PCSK6: variants seen among roughly 807,000 people sequenced by gnomAD.
The protein encoded by PCSK6 is proprotein convertase subtilisin/kexin type 6.
A neutral mutation model predicts 123.3 loss-of-function variants in PCSK6; 85 were observed. The observed-to-expected ratio is 0.69, with a 90% CI of 0.58 to 0.83. PCSK6 has a LOEUF of 0.83. Among genes scored for constraint, PCSK6 ranks in the 40% least tolerant of loss-of-function variants. The probability of loss-of-function intolerance (pLI) is 0.00; values close to 1 mark genes in which losing one functional copy is unlikely to be tolerated. For synonymous variants in PCSK6, 508 were observed against 516.0 expected, an observed-to-expected ratio of 0.98 and a Z score of 0.21; for missense variants, 1,191 against 1,282.3, an observed-to-expected ratio of 0.93 and a Z score of 1.09.
At chr15:101,313,005 C>T (rs1288882428) in intron 20 of PCSK6, 2 of 1,170,222 alleles carry the variant, frequency 1.7e-6, no homozygotes, top group Admixed American at 7.8e-5. Context: ...AGTGTGTCTC[C>T]AAAAAAATTT....
intron 1 of PCSK6, among the ~76,000 whole-genome samples, chr15:101,489,012 G>C (rs1308078868): frequency 6.7e-6 from 1 of 150,204 alleles, no homozygotes; most frequent in Non-Finnish European, 1.5e-5. Flanking sequence ...CGACGCCTGA[G>C]GCAGCCCAGA....
intron 5 of PCSK6, 130 bp from the exon 6 acceptor site, chr15:101,428,110 C>T: frequency 1.3e-6 from 1 of 745,880 alleles, no homozygotes; most frequent in Non-Finnish European, 2.2e-6. Context: ...AGCCCATTTC[C>T]TGCATCCCCT....
At chr15:101,318,195 C>A in intron 19 of PCSK6, 124 bp downstream of exon 19, 1 of 689,736 alleles carries the variant, frequency 1.4e-6, no homozygotes, top group South Asian at 1.8e-5. Context: ...CTTGTTTTGC[C>A]CTTGCATTTT....
chr15:101,370,595 A>G (rs2073590), intron 11 of PCSK6, 72 bp from the exon 12 acceptor site: 459,568 of 1,337,546 alleles, frequency 0.34, 80,844 homozygotes, highest in East Asian at 0.45. Flanking sequence ...CAGGAGCTCC[A>G]GCGCCCGTCC....
rs3784499 is a variant in PCSK6, at chr15:101,369,690, T to G, written c.1721+645A>C. 9.8e-5 allele frequency among the ~76,000 whole-genome samples: 15 copies of G among 152,380 alleles called. No homozygotes were observed. In the East Asian group the frequency reaches 2.9e-3, roughly 29 times the overall value. ...TCTAATTACCTGTAAGTCATATATT[T>G]GCATCAATGTATTTCCCCTTGTTTC... On this transcript the variant is annotated intron_variant, in intron 12 of 21. Transcript: ENST00000611716.
At chr15:101,389,894 C>T (rs568177892) in intron 8 of PCSK6, among the ~76,000 whole-genome samples, 103 of 152,140 alleles carry the variant, frequency 6.8e-4, no homozygotes, top group Non-Finnish European at 1.4e-3. Context: ...GAAACCAAGA[C>T]GCACCCCACA....
intron 1 of PCSK6, among the ~76,000 whole-genome samples, chr15:101,481,762 G>C (rs898887598): frequency 6.6e-6 from 1 of 152,248 alleles, no homozygotes; most frequent in South Asian, 2.1e-4. Context: ...ACACGAGGAG[G>C]AGGTTTCAGC....
At chr15:101,314,437 A>G (rs1032853056) in intron 19 of PCSK6, among the ~76,000 whole-genome samples, 2 of 152,222 alleles carry the variant, frequency 1.3e-5, no homozygotes, top group Admixed American at 6.5e-5. Flanking sequence ...CAGGGGCTCT[A>G]TGATAATCAC....
At position 101,326,753 on chromosome 15, in the gene PCSK6, G is replaced by A. The variant is rs555282940; in HGVS notation, c.2078-274C>T. Among the ~76,000 whole-genome samples, 383 of 152,332 alleles carry A rather than the reference G, an allele frequency of 2.5e-3. 2 individuals carry two copies. Among genetic ancestry groups the A allele is most frequent in the Non-Finnish European group, 4.1e-3 (278 of 68,024 alleles). On this transcript the variant is annotated intron_variant, in intron 15 of 21. Coordinates refer to ENST00000611716, the MANE Select transcript of PCSK6 (RefSeq NM_002570.5). The stretch of plus-strand genomic sequence containing the variant: ...AACATCCAGGGTGGGTACGCCACCC[G>A]GAGCAGGGAGGAGATGGGACTTGTG...
At chr15:101,429,213 G>A (rs1252992351) in intron 5 of PCSK6, among the ~76,000 whole-genome samples, 1 of 150,886 alleles carries the variant, frequency 6.6e-6, no homozygotes, top group Non-Finnish European at 1.5e-5. Context: ...AAGAGCTCAG[G>A]GTATGGGGCA....
chr15:101,486,899 C>T (rs35406709), intron 1 of PCSK6, among the ~76,000 whole-genome samples: 23,196 of 152,216 alleles, frequency 0.15, 2,044 homozygotes, highest in Middle Eastern at 0.23. Context: ...GAGAATACGG[C>T]AGAAGCAAAT....
chr15:101,460,785 G>C (rs148867848), intron 1 of PCSK6, among the ~76,000 whole-genome samples: 40 of 152,154 alleles, frequency 2.6e-4, no homozygotes, highest in African/African-American at 9.6e-4. Flanking sequence ...ACAAACACAT[G>C]TTTATATAAC....
intron 18 of PCSK6, among the ~76,000 whole-genome samples, chr15:101,320,087 ATTAT>A (rs2040082625): frequency 6.6e-6 from 1 of 151,754 alleles, no homozygotes; most frequent in South Asian, 2.1e-4. Flanking sequence ...TTATTTATTT[ATTAT>A]TTATTTATTT....
chr15:101,357,339 G>A (rs947888673), intron 13 of PCSK6, among the ~76,000 whole-genome samples: 7 of 152,186 alleles, frequency 4.6e-5, no homozygotes, highest in East Asian at 1.9e-4. Flanking sequence ...TTCATACCTC[G>A]GCATCGACGA....
intron 8 of PCSK6, among the ~76,000 whole-genome samples, chr15:101,389,907 C>A (rs192456109): frequency 6.6e-6 from 1 of 152,254 alleles, no homozygotes; most frequent in African/African-American, 2.4e-5. Flanking sequence ...ACCCCACAAG[C>A]CCTCATCCCT....
intron 1 of PCSK6, among the ~76,000 whole-genome samples, chr15:101,459,575 G>A (rs1422977083): frequency 2.3e-5 from 1 of 44,142 alleles, no homozygotes; most frequent in Non-Finnish European, 6.5e-5. Flanking sequence ...ATTCCTCACT[G>A]CACTATCATT....
intron 13 of PCSK6, among the ~76,000 whole-genome samples, chr15:101,340,942 CA>C (rs1352803806): frequency 2.1e-4 from 32 of 150,108 alleles, no homozygotes; most frequent in Admixed American, 6.0e-4. Flanking sequence ...GTGCTTCTCC[CA>C]AATTTTTTTT....
chr15:101,460,311 G>A (rs1391397762), intron 1 of PCSK6, among the ~76,000 whole-genome samples: 5 of 152,002 alleles, frequency 3.3e-5, no homozygotes, highest in East Asian at 1.9e-4. Context: ...GCCCTCTTTC[G>A]AGATGCCACA....
At position 101,398,389 on chromosome 15, in the gene PCSK6, C is replaced by T. The variant is rs768591722; in HGVS notation, c.996+15G>A. 2.5e-6 allele frequency: 4 copies of T among 1,600,422 alleles called. No individual in the cohort carries two copies. The South Asian group carries it at 4.5e-5, about 18-fold the overall frequency. Reference sequence around the variant, plus strand: ...TTGTCCCAGAGCGCTCCCCTGTAGCCCTGGTTACTCACACCTTTTTAATGC... The same window carrying T: ...TTGTCCCAGAGCGCTCCCCTGTAGCTCTGGTTACTCACACCTTTTTAATGC... On this transcript the variant is annotated intron_variant, in intron 7 of 21. Transcript: ENST00000611716. This position sits in a 1 kb window ranked among gnomAD's most constrained non-coding sequence, Gnocchi z 4.6.
Sources: allele counts gnomAD v4.1 joint callset (sites outside exome capture counted in the v4.1 genomes callset), GRCh38; gene constraint gnomAD v4.1.1; non-coding constraint Gnocchi (gnomAD v3.1); transcripts MANE v1.5; gene names NCBI Gene and HGNC (gene_info 2026-07-23, HGNC 2026-07-21).